Variants in MYOM1 observed in about 807,000 individuals in gnomAD.
MYOM1 encodes myomesin 1.
In MYOM1, 164 loss-of-function variants were observed where a neutral mutation model predicts 205.3. The observed-to-expected ratio is 0.80, with a 90% CI of 0.70 to 0.91. The LOEUF is 0.91. Ranked by LOEUF, MYOM1 falls within the 40% of genes least tolerant of loss-of-function variation. MYOM1 has a pLI of 0.00. For synonymous variants in MYOM1, 772 were observed against 789.4 expected (o/e 0.98, Z 0.37); for missense variants, 2,011 against 2,127.3 (o/e 0.95, Z 1.08).
intron 36 of MYOM1, among the ~76,000 whole-genome samples, chr18:3,072,688 T>TTGTG (rs61241215): frequency 6.8e-6 from 1 of 147,086 alleles, no homozygotes; most frequent in East Asian, 2.0e-4. Flanking sequence ...CACCGTCATA[T>TTGTG]TGTGTGTGTG....
intron 9 of MYOM1, among the ~76,000 whole-genome samples, chr18:3,167,340 A>G (rs11659408): frequency 0.1 from 15,292 of 152,184 alleles, 1,707 homozygotes; most frequent in African/African-American, 0.28. Flanking sequence ...ATAGAAACTT[A>G]GTGTATTTGG....
chr18:3,191,015 G>C (rs2144159842), intron 3 of MYOM1, among the ~76,000 whole-genome samples: 1 of 152,272 alleles, frequency 6.6e-6, no homozygotes. Context: ...CTCAACTACA[G>C]TTAAAAAGTA....
the MYOM1 span, among the ~76,000 whole-genome samples, chr18:3,242,340 T>C: frequency 6.6e-6 from 1 of 152,170 alleles, no homozygotes; most frequent in Non-Finnish European, 1.5e-5. Context: ...TTAATAAGTC[T>C]CATGAGATCT....
chr18:3,237,427 A>G, the MYOM1 span, among the ~76,000 whole-genome samples: 2 of 151,702 alleles, frequency 1.3e-5, no homozygotes, highest in Admixed American at 6.6e-5. Flanking sequence ...GGTGAAACCC[A>G]GTCTCTACTA....
intron 26 of MYOM1, among the ~76,000 whole-genome samples, chr18:3,093,184 G>C (rs530852690): frequency 6.6e-6 from 1 of 152,250 alleles, no homozygotes; most frequent in East Asian, 1.9e-4. Flanking sequence ...TCACTAACAA[G>C]TCCTCAAATG....
chr18:3,109,753 C>T (rs1056408431), intron 22 of MYOM1, among the ~76,000 whole-genome samples: 1 of 152,166 alleles, frequency 6.6e-6, no homozygotes, highest in Admixed American at 6.5e-5. Flanking sequence ...CTGATTTTAA[C>T]AGATCTCATT....
chr18:3,101,691 T>A (rs1480360197), intron 23 of MYOM1, among the ~76,000 whole-genome samples: 1 of 152,232 alleles, frequency 6.6e-6, no homozygotes, highest in Non-Finnish European at 1.5e-5. Flanking sequence ...CCCCTATAAG[T>A]ATCCTTATTG....
intron 21 of MYOM1, 84 bp downstream of exon 21, chr18:3,116,247 T>TA: frequency 7.3e-7 from 1 of 1,371,334 alleles, no homozygotes; most frequent in Non-Finnish European, 1.0e-6. Flanking sequence ...AAAGCGGAGA[T>TA]ATTCTGTTTT....
At chr18:3,117,882 T>C (rs1406670911) in intron 20 of MYOM1, among the ~76,000 whole-genome samples, 1 of 152,228 alleles carries the variant, frequency 6.6e-6, no homozygotes, top group Admixed American at 6.5e-5. Context: ...TAAAGCTATA[T>C]TTAAATATTA....
intron 8 of MYOM1, among the ~76,000 whole-genome samples, chr18:3,173,574 G>A (rs765706646): frequency 0.015 from 103 of 6,966 alleles, no homozygotes; most frequent in Middle Eastern, 0.071. Context: ...GTCCAGACTC[G>A]TGTGTGTGTG....
intron 3 of MYOM1, among the ~76,000 whole-genome samples, chr18:3,191,208 C>G (rs930316056): frequency 6.6e-6 from 1 of 152,152 alleles, no homozygotes; most frequent in Non-Finnish European, 1.5e-5. Flanking sequence ...CTGACAGTCT[C>G]AATTCAAAAA....
Position 3,067,280 on chromosome 18 carries a change from A to C in MYOM1, c.5040T>G (p.Gly1680=), listed in dbSNP as rs2230164. The change falls in exon 38 of 38, where the codon GGT becomes GGG. Residue 1680 remains glycine (G), a synonymous_variant. Transcript: ENST00000356443. ...ARMAALESLK[G]GKKAK is the part of the protein sequence containing the mutation. ...CCTCCGGTCACTTGGCCTTCTTGCCACCTTTCAGGGACTCCAAGGCGGCCA... is the reference window on the plus strand; with the variant it reads ...CCTCCGGTCACTTGGCCTTCTTGCCCCCTTTCAGGGACTCCAAGGCGGCCA... 2 of 1,602,358 alleles carry C rather than the reference A, an allele frequency of 1.2e-6. No homozygotes were observed.
chr18:3,139,690 A>G (rs1227922326), intron 14 of MYOM1, among the ~76,000 whole-genome samples: 1 of 152,226 alleles, frequency 6.6e-6, no homozygotes, highest in Non-Finnish European at 1.5e-5. Flanking sequence ...TGTGTCCTCA[A>G]TACCCAACAT....
chr18:3,079,787 C>T (rs2079063643), intron 33 of MYOM1, among the ~76,000 whole-genome samples: 1 of 152,190 alleles, frequency 6.6e-6, no homozygotes, highest in African/African-American at 2.4e-5. Flanking sequence ...GGAGGCTCAT[C>T]TGTGCCTGAC....
chr18:3,071,400 C>T (rs1006613873), intron 37 of MYOM1, among the ~76,000 whole-genome samples: 2 of 152,184 alleles, frequency 1.3e-5, no homozygotes, highest in East Asian at 3.9e-4. Context: ...ACTCTGTTGC[C>T]TGGGCTGGAG....
chr18:3,159,556 C>T (rs771844371), intron 10 of MYOM1, among the ~76,000 whole-genome samples: 11 of 152,184 alleles, frequency 7.2e-5, no homozygotes, highest in Non-Finnish European at 1.6e-4. Context: ...TATGAACACA[C>T]ATGTTTATAA....
the MYOM1 span, chr18:3,236,336 A>C: frequency 6.6e-6 from 1 of 152,366 alleles, no homozygotes; most frequent in South Asian, 2.1e-4. Flanking sequence ...TGAGATGAAA[A>C]TGACTTGCAC....
chr18:3,214,671 A>G (rs2081234722), intron 2 of MYOM1, among the ~76,000 whole-genome samples: 1 of 152,002 alleles, frequency 6.6e-6, no homozygotes, highest in African/African-American at 2.4e-5. Flanking sequence ...TAAAAACACG[A>G]CATGAGCCGG....
At chr18:3,230,352 A>G in the MYOM1 span, among the ~76,000 whole-genome samples, 22,139 of 152,180 alleles carry the variant, frequency 0.15, 2,372 homozygotes, top group African/African-American at 0.3. Context: ...GAACTAAATC[A>G]CAAGGAAAAC....
Sources: allele counts gnomAD v4.1 joint callset (sites outside exome capture counted in the v4.1 genomes callset), GRCh38; gene constraint gnomAD v4.1.1; transcripts MANE v1.5; gene names NCBI Gene and HGNC (gene_info 2026-07-23, HGNC 2026-07-21).